The following ANXA8 variants were observed in gnomAD, a reference collection of about 807,000 sequenced individuals.
The protein encoded by ANXA8 is VAC-beta.
Under a neutral mutation model 26.8 loss-of-function variants are expected in ANXA8, and 9 were observed. That is an observed-to-expected ratio of 0.34 (90% CI 0.20 to 0.59). The LOEUF (loss-of-function observed/expected upper bound fraction) is 0.59, where lower values mean the gene tolerates loss of function less well. Ranked by LOEUF, ANXA8 falls within the 20% of genes least tolerant of loss-of-function variation. The pLI, the probability that ANXA8 is intolerant of heterozygous loss-of-function variation, is 0.84. For missense variants in ANXA8, 83 were observed against 238.5 expected (o/e 0.35, Z 4.29); for synonymous variants, 39 against 94.8 (o/e 0.41, Z 3.42).
chr10:47,540,035 C>A, the ANXA8 span: 2 of 98,526 alleles, frequency 2.0e-5, no homozygotes, highest in South Asian at 3.3e-4. Flanking sequence ...AAGACAAAAT[C>A]AGCTGGTATA....
the ANXA8 span, among the ~76,000 whole-genome samples, chr10:47,735,458 G>A: frequency 1.7e-4 from 26 of 148,930 alleles, no homozygotes; most frequent in African/African-American, 6.0e-4. Flanking sequence ...TAACCCTTCT[G>A]TTATTCTACC....
At chr10:47,986,758 C>T in the ANXA8 span, 1 of 350,618 alleles carries the variant, frequency 2.9e-6, no homozygotes, top group Admixed American at 3.7e-5. Context: ...CCCCCGCGCG[C>T]CCGCTTCTCT....
At chr10:47,653,641 A>ATATT in the ANXA8 span, among the ~76,000 whole-genome samples, 878 of 149,540 alleles carry the variant, frequency 5.9e-3, 1 homozygote, top group Non-Finnish European at 9.4e-3. Flanking sequence ...GTTATAAGTC[A>ATATT]TATTTATTTA....
chr10:47,975,084 G>GT, the ANXA8 span, among the ~76,000 whole-genome samples: 179 of 146,010 alleles, frequency 1.2e-3, 12 homozygotes, highest in East Asian at 0.019. Flanking sequence ...ATTGAGAGTT[G>GT]TTTTTTTTTT....
At chr10:47,586,382 A>G in the ANXA8 span, among the ~76,000 whole-genome samples, 225 of 145,824 alleles carry the variant, frequency 1.5e-3, 7 homozygotes, top group Non-Finnish European at 2.4e-3. Context: ...CTTGAGTATA[A>G]TTACCACTTC....
the ANXA8 span, among the ~76,000 whole-genome samples, chr10:47,676,914 G>C: frequency 6.8e-6 from 1 of 146,124 alleles, no homozygotes; most frequent in Non-Finnish European, 1.5e-5. Flanking sequence ...GCGAGACTCA[G>C]TCTCAAAAAC....
chr10:47,972,209 G>A, the ANXA8 span, among the ~76,000 whole-genome samples: 2 of 150,388 alleles, frequency 1.3e-5, no homozygotes, highest in Non-Finnish European at 3.0e-5. Flanking sequence ...AGGAAGTGAG[G>A]CTCAGGGAAG....
chr10:47,626,219 A>G, the ANXA8 span, among the ~76,000 whole-genome samples: 2 of 149,896 alleles, frequency 1.3e-5, no homozygotes, highest in East Asian at 1.9e-4. Context: ...AGCATAAAGG[A>G]TAATATTGGT....
At chr10:47,487,834 CT>C (rs1207140401), upstream of ANXA8, among the ~76,000 whole-genome samples, 9 of 148,270 alleles carry the variant, frequency 6.1e-5, no homozygotes, top group Admixed American at 2.0e-4. Context: ...TTAATATTTC[CT>C]TTATGGCGCT....
the ANXA8 span, among the ~76,000 whole-genome samples, chr10:47,733,143 A>ATCTTCCTTTCTT: frequency 3.4e-4 from 33 of 98,128 alleles, no homozygotes; most frequent in Non-Finnish European, 4.6e-4. Context: ...CAACTCCCTA[A>ATCTTCCTTTCTT]TCTTTCTTTC....
At chr10:47,715,904 A>C in the ANXA8 span, 1 of 699,884 alleles carries the variant, frequency 1.4e-6, no homozygotes, top group South Asian at 1.9e-5. Context: ...TTTCTTTTGA[A>C]ACAGAGTCTT....
At chr10:47,743,321 T>TATATACAC in the ANXA8 span, among the ~76,000 whole-genome samples, 3 of 105,678 alleles carry the variant, frequency 2.8e-5, no homozygotes, top group African/African-American at 1.0e-4. Flanking sequence ...TACACATATA[T>TATATACAC]ATATATACAT....
chr10:47,560,023 G>T, the ANXA8 span, among the ~76,000 whole-genome samples: 50 of 150,590 alleles, frequency 3.3e-4, no homozygotes, highest in Non-Finnish European at 6.0e-4. Context: ...AAGAATTCCT[G>T]GGTTCCATCC....
At chr10:47,556,096 G>A in the ANXA8 span, among the ~76,000 whole-genome samples, 7 of 151,888 alleles carry the variant, frequency 4.6e-5, 1 homozygote, top group Non-Finnish European at 7.4e-5. Flanking sequence ...GGTGGTATCA[G>A]GGACAGACAG....
chr10:47,940,649 G>A, the ANXA8 span, among the ~76,000 whole-genome samples: 1 of 147,966 alleles, frequency 6.8e-6, no homozygotes, highest in South Asian at 2.1e-4. Context: ...CCAACATGGT[G>A]AAACACCGTC....
the ANXA8 span, among the ~76,000 whole-genome samples, chr10:47,676,709 A>G: frequency 6.6e-6 from 1 of 151,624 alleles, no homozygotes; most frequent in African/African-American, 2.4e-5. Context: ...CACAAGGTCA[A>G]GAGGTCGAGA....
chr10:47,495,027 C>A, the ANXA8 span, among the ~76,000 whole-genome samples: 1 of 150,048 alleles, frequency 6.7e-6, no homozygotes. Flanking sequence ...CACTGCCAAA[C>A]CAACAAGGAA....
At chr10:47,637,605 C>T in the ANXA8 span, among the ~76,000 whole-genome samples, 1 of 126,690 alleles carries the variant, frequency 7.9e-6, no homozygotes, top group East Asian at 2.2e-4. Flanking sequence ...ACGCTTTTCA[C>T]ATTACAATAT....
chr10:47,639,039 A>G, the ANXA8 span, among the ~76,000 whole-genome samples: 2 of 150,440 alleles, frequency 1.3e-5, no homozygotes, highest in Non-Finnish European at 2.9e-5. Flanking sequence ...TAATTAAAAC[A>G]CTTGGGGTAT....
Sources: gnomAD v4.1 joint callset for allele counts (sites outside exome capture counted in the v4.1 genomes callset) on GRCh38, gnomAD v4.1.1 for gene constraint, MANE v1.5 for transcripts, NCBI Gene and HGNC (gene_info 2026-07-23, HGNC 2026-07-21) for gene names.